CSMD1: variants seen among roughly 807,000 people sequenced by gnomAD.
CSMD1 encodes the protein CUB and Sushi multiple domains 1, also known as CUB and sushi domain-containing protein 1.
CSMD1 carries 213 observed loss-of-function variants against 417.5 expected under a neutral mutation model. The ratio of observed to expected loss-of-function variants is 0.51; its 90% CI spans 0.46 to 0.57. CSMD1 has a LOEUF of 0.57. CSMD1 is among the 20% of genes least tolerant of loss of function. The pLI, the probability that CSMD1 is intolerant of heterozygous loss-of-function variation, is 0.00. For missense variants in CSMD1, 6,923 were observed against 4,529.7 expected (o/e 1.53, Z -15.17); for synonymous variants, 2,862 against 1,736.8 (o/e 1.65, Z -16.11).
At chr8:3,794,957 T>A (rs1314814270) in intron 5 of CSMD1, among the ~76,000 whole-genome samples, 1 of 151,916 alleles carries the variant, frequency 6.6e-6, no homozygotes, top group Non-Finnish European at 1.5e-5. Flanking sequence ...TAGATATATA[T>A]CTATCATGTA....
At chr8:4,476,373 G>C (rs1481804044) in intron 2 of CSMD1, among the ~76,000 whole-genome samples, 1 of 152,004 alleles carries the variant, frequency 6.6e-6, no homozygotes, top group Admixed American at 6.6e-5. Context: ...GCACAATTTT[G>C]GCTTTACATT....
At chr8:4,285,392 G>C (rs1797006381) in intron 3 of CSMD1, among the ~76,000 whole-genome samples, 1 of 152,176 alleles carries the variant, frequency 6.6e-6, no homozygotes, top group South Asian at 2.1e-4. Flanking sequence ...AAATGAATTT[G>C]TGGCCATGAA....
At chr8:4,910,487 TC>T (rs1472026047) in intron 1 of CSMD1, among the ~76,000 whole-genome samples, 2 of 152,204 alleles carry the variant, frequency 1.3e-5, no homozygotes, top group African/African-American at 4.8e-5. Flanking sequence ...TTGCCTGGTT[TC>T]TAGAAGGCAC....
chr8:3,366,233 C>T (rs1451175624), intron 20 of CSMD1, among the ~76,000 whole-genome samples: 1 of 152,084 alleles, frequency 6.6e-6, no homozygotes, highest in Non-Finnish European at 1.5e-5. Flanking sequence ...AGGGCCCTTT[C>T]TGTTGGTGGA....
intron 1 of CSMD1, among the ~76,000 whole-genome samples, chr8:4,645,801 C>G (rs1247347081): frequency 6.6e-6 from 1 of 152,098 alleles, no homozygotes; most frequent in African/African-American, 2.4e-5. Context: ...CCCTGTTGTC[C>G]TTTAGATTCC....
intron 3 of CSMD1, among the ~76,000 whole-genome samples, chr8:4,105,727 C>G (rs528968527): frequency 5.9e-5 from 9 of 152,348 alleles, no homozygotes; most frequent in African/African-American, 2.2e-4. Context: ...GATCAACCCA[C>G]AGCTTTCTGG....
At chr8:4,012,745 T>C (rs1437540835) in intron 4 of CSMD1, among the ~76,000 whole-genome samples, 2 of 152,152 alleles carry the variant, frequency 1.3e-5, no homozygotes, top group Admixed American at 6.5e-5. Flanking sequence ...AGCCCTAAAA[T>C]GGTTCTTTTG....
intron 12 of CSMD1, among the ~76,000 whole-genome samples, chr8:3,419,345 A>G (rs1056081903): frequency 2.0e-5 from 3 of 152,224 alleles, no homozygotes; most frequent in Non-Finnish European, 4.4e-5. Context: ...CAAAATGAAT[A>G]ATTGAAAATG....
intron 37 of CSMD1, among the ~76,000 whole-genome samples, chr8:3,171,589 G>A (rs1055569440): frequency 1.3e-5 from 2 of 152,104 alleles, no homozygotes; most frequent in African/African-American, 4.8e-5. Context: ...ACATTTGCAA[G>A]ACCTACTGTA....
chr8:3,485,230 G>T (rs920013861), intron 11 of CSMD1, among the ~76,000 whole-genome samples: 15 of 152,096 alleles, frequency 9.9e-5, no homozygotes, highest in Admixed American at 9.2e-4. Flanking sequence ...GCAAAAAACG[G>T]GAGGAAACGA....
intron 10 of CSMD1, among the ~76,000 whole-genome samples, chr8:3,511,320 G>A (rs977960618): frequency 1.3e-5 from 2 of 151,516 alleles, no homozygotes; most frequent in African/African-American, 2.4e-5. Context: ...AATGGCATGT[G>A]TATACCTATG....
chr8:2,938,431 G>A lies in CSMD1; in HGVS notation c.*154C>T, dbSNP rs928363788. The A allele has an allele frequency of 8.7e-6, 6 of 689,664 alleles. No individual in the cohort carries two copies. Among genetic ancestry groups the A allele is most frequent in the African/African-American group, 1.8e-5 (1 of 55,044 alleles). 42.7% of individuals were successfully genotyped at this position (689,664 alleles called of 1,614,324 possible). On this transcript the variant is annotated 3_prime_UTR_variant, in exon 70 of 70. Transcript: ENST00000635120. Reference sequence around the variant, plus strand: ...CCGTAGAAGACCCTGACACATTTGAGTAGAGATCCCCGCTGCACTTATGCC... The same window carrying A: ...CCGTAGAAGACCCTGACACATTTGAATAGAGATCCCCGCTGCACTTATGCC...
intron 49 of CSMD1, among the ~76,000 whole-genome samples, chr8:3,071,108 A>T (rs1407328698): frequency 1.3e-5 from 2 of 152,162 alleles, no homozygotes; most frequent in Non-Finnish European, 2.9e-5. Context: ...AAAAACACTT[A>T]TTATCATGAA....
intron 3 of CSMD1, among the ~76,000 whole-genome samples, chr8:4,056,766 A>G (rs1361404516): frequency 6.6e-6 from 1 of 151,412 alleles, no homozygotes; most frequent in Non-Finnish European, 1.5e-5. Flanking sequence ...ATTCCCACCT[A>G]TGAGTGAGAA....
chr8:3,968,321 T>G (rs923972283), intron 5 of CSMD1, among the ~76,000 whole-genome samples: 2 of 152,302 alleles, frequency 1.3e-5, no homozygotes, highest in Non-Finnish European at 2.9e-5. Flanking sequence ...GAGTATTGCC[T>G]GGACAGAGGG....
intron 12 of CSMD1, among the ~76,000 whole-genome samples, chr8:3,409,945 C>T (rs920135407): frequency 3.9e-5 from 6 of 152,148 alleles, no homozygotes; most frequent in African/African-American, 1.4e-4. Context: ...ATGCAAATAC[C>T]AGTTTAATTT....
At chr8:4,139,620 G>C (rs771087261) in intron 3 of CSMD1, among the ~76,000 whole-genome samples, 19 of 151,158 alleles carry the variant, frequency 1.3e-4, no homozygotes, top group Non-Finnish European at 1.5e-4. Context: ...GCAGAGGAAG[G>C]GCATTTGGAA....
chr8:3,486,947 G>C (rs555026573), intron 11 of CSMD1, among the ~76,000 whole-genome samples: 1 of 152,224 alleles, frequency 6.6e-6, no homozygotes, highest in East Asian at 1.9e-4. Context: ...ACGAAGGTTG[G>C]GCAGCCCTAG....
chr8:3,449,014 T>C (rs1175036229), intron 12 of CSMD1, among the ~76,000 whole-genome samples: 4 of 152,152 alleles, frequency 2.6e-5, no homozygotes, highest in African/African-American at 9.7e-5. Context: ...AAACACGTAT[T>C]AGTAGGAGGC....
Sources: allele counts gnomAD v4.1 joint callset (sites outside exome capture counted in the v4.1 genomes callset), GRCh38; gene constraint gnomAD v4.1.1; transcripts MANE v1.5; gene names NCBI Gene and HGNC (gene_info 2026-07-23, HGNC 2026-07-21).